GMNC: variants seen among roughly 807,000 people sequenced by gnomAD.
GMNC encodes geminin coiled-coil domain containing.
GMNC carries 16 observed loss-of-function variants against 33.6 expected under a neutral mutation model. The observed-to-expected ratio is 0.48, with a 90% CI of 0.32 to 0.72. The LOEUF (loss-of-function observed/expected upper bound fraction) is 0.72, where lower values mean the gene tolerates loss of function less well. GMNC is among the 30% of genes least tolerant of loss of function. The probability of loss-of-function intolerance (pLI) is 0.03; values close to 1 mark genes in which losing one functional copy is unlikely to be tolerated. For synonymous variants in GMNC, 156 were observed against 147.3 expected (o/e 1.06, Z -0.43); for missense variants, 393 against 388.9 (o/e 1.01, Z -0.09).
intron 4 of GMNC, among the ~76,000 whole-genome samples, chr3:190,856,450 A>AATAT (rs1348641487): frequency 3.3e-5 from 4 of 122,558 alleles, no homozygotes; most frequent in African/African-American, 1.3e-4. Flanking sequence ...AATATTCATA[A>AATAT]ATTTATATGA....
chr3:190,860,911 A>G (rs973192652), intron 1 of GMNC, 53 bp from the exon 2 acceptor site: 3 of 1,298,476 alleles, frequency 2.3e-6, no homozygotes, highest in African/African-American at 3.0e-5. Context: ...GGGGTGATGG[A>G]GATTTAGAAG....
the GMNC span, among the ~76,000 whole-genome samples, chr3:190,846,039 G>C: frequency 6.6e-6 from 1 of 152,030 alleles, no homozygotes; most frequent in African/African-American, 2.4e-5. Context: ...ACAAGCCTGG[G>C]CAACACGGAG....
In GMNC at chr3:190,861,728, C is replaced by T. The variant is rs1326422922; in HGVS notation, c.4-870G>A. ...GTGTTCTGATCCAGTGAACACTCTCCTGCCTTCCACTTCTTGAACCTCAAA... is the reference window on the plus strand; with the variant it reads ...GTGTTCTGATCCAGTGAACACTCTCTTGCCTTCCACTTCTTGAACCTCAAA... On this transcript the variant is annotated intron_variant, in intron 1 of 4. Coordinates refer to ENST00000442080, the MANE Select transcript of GMNC (RefSeq NM_001146686.3). The surrounding 1 kb of genome is among the most constrained non-coding windows in gnomAD (Gnocchi z 5.1). 6.6e-6 allele frequency among the ~76,000 whole-genome samples: 1 copy of T among 152,176 alleles called. No individual in the cohort carries two copies. Among genetic ancestry groups the T allele is most frequent in the African/African-American group, 2.4e-5 (1 of 41,432 alleles).
rs1737674154 is a variant in GMNC at position 190,853,650 on chromosome 3, A to C, written c.*1645T>G. 1 of 152,116 alleles carries C rather than the reference A, an allele frequency of 6.6e-6. No individual in the cohort carries two copies. Among genetic ancestry groups the C allele is most frequent in the Admixed American group, 6.6e-5 (1 of 15,248 alleles). The allele number at this position is 152,116 out of a possible 1,614,324, so 9.4% of individuals were successfully genotyped here. A position where few individuals can be genotyped will look rare whatever the true frequency, so the allele number is the denominator to read the frequency against. On this transcript the variant is annotated 3_prime_UTR_variant, in exon 5 of 5. Transcript: ENST00000442080. ...TGACCTACGAGATATTGATTGTGCA[A>C]GATGACTTATTGAGATGTGGAAAAG...
rs1199729684 is a variant in GMNC, at chr3:190,855,618, C to G, written c.682G>C (p.Asp228His). ...ATATTTTTATAATCAACTGCATCATCCGGAAACTGGGAAAATGTGCTGGCG... is the reference window on the plus strand; with the variant it reads ...ATATTTTTATAATCAACTGCATCATGCGGAAACTGGGAAAATGTGCTGGCG... ...RVASTFSQFP[D>H]DAVDYKNIPR... is the part of the protein sequence containing the mutation. Residue 228 changes from aspartate to histidine, a missense_variant, in exon 5 of 5, where the codon GAT (aspartate) becomes CAT (histidine). Physicochemically the swap from Asp to His is moderately conservative, Grantham distance 81. Transcript: ENST00000442080. 5 of 1,551,430 alleles carry G rather than the reference C, an allele frequency of 3.2e-6. No homozygotes were observed. In the East Asian group the frequency reaches 1.2e-4, roughly 38 times the overall value.
At chr3:190,844,301 C>A in the GMNC span, among the ~76,000 whole-genome samples, 2 of 151,918 alleles carry the variant, frequency 1.3e-5, no homozygotes, top group Middle Eastern at 3.2e-3. Context: ...ATCCCAAATT[C>A]TCTTTTTTTC....
At chr3:190,860,948 A>G (rs754524068) in intron 1 of GMNC, 90 bp from the exon 2 acceptor site, 1 of 860,640 alleles carries the variant, frequency 1.2e-6, no homozygotes, top group Non-Finnish European at 1.8e-6. Flanking sequence ...AAATACCGAA[A>G]TTACATGCAG....
In GMNC at chr3:190,853,272, T is replaced by C. The variant is rs145656937; in HGVS notation, c.*2023A>G. The C allele has an allele frequency of 2.6e-3, 395 of 152,254 alleles. 2 individuals carry two copies. Among genetic ancestry groups the C allele is most frequent in the African/African-American group, 9.2e-3 (382 of 41,576 alleles). The allele number at this position is 152,254 out of a possible 1,614,324, so 9.4% of individuals were successfully genotyped here. A position where few individuals can be genotyped will look rare whatever the true frequency, so the allele number is the denominator to read the frequency against. ...ATTAGACTTTCAAAATTAGTTATATTACTTTCTCAATTCCTAGTGTCATAA... is the reference window on the plus strand; with the variant it reads ...ATTAGACTTTCAAAATTAGTTATATCACTTTCTCAATTCCTAGTGTCATAA... On this transcript the variant is annotated 3_prime_UTR_variant, in exon 5 of 5. Coordinates refer to ENST00000442080, the MANE Select transcript of GMNC (RefSeq NM_001146686.3).
In GMNC at chr3:190,855,727, T is replaced by C. The variant is rs767243329; in HGVS notation, c.573A>G (p.Gln191=). The change falls in exon 5 of 5, where the codon CAA becomes CAG. Residue 191 remains glutamine, a synonymous_variant. Transcript: ENST00000442080. The part of the protein sequence containing the change: ...AGPPVDPWVL[Q]TLGLKDLDTI... ...TGTCAAGGTCTTTTAACCCAAGTGT[T>C]TGAAGGACCCAGGGATCCACAGGGG... 9.8e-5 allele frequency: 152 copies of C among 1,551,452 alleles called. 1 individual carries two copies. Among genetic ancestry groups the C allele is most frequent in the Non-Finnish European group, 1.6e-5 (18 of 1,146,894 alleles).
At chr3:190,851,986 GAAC>G (rs917605110), downstream of GMNC, among the ~76,000 whole-genome samples, 175 of 150,482 alleles carry the variant, frequency 1.2e-3, 1 homozygote, top group African/African-American at 3.8e-3. Context: ...TATGTTTATA[GAAC>G]AAAAAACAGA....
At chr3:190,860,899 A>G (rs907571039) in intron 1 of GMNC, 41 bp from the exon 2 acceptor site, 4 of 1,400,256 alleles carry the variant, frequency 2.9e-6, no homozygotes, top group South Asian at 1.4e-5. Flanking sequence ...GTCCCAAAAG[A>G]TGGGGTGATG....
chr3:190,854,709 G>A lies in GMNC; in HGVS notation c.*586C>T, dbSNP rs567891894. Reference sequence around the variant, plus strand: ...AGTTGTTTTAAGAGGCTTTGTCAATGCCACTATGGGGCACTGAACTTTTTG... The same window carrying A: ...AGTTGTTTTAAGAGGCTTTGTCAATACCACTATGGGGCACTGAACTTTTTG... On this transcript the variant is annotated 3_prime_UTR_variant, in exon 5 of 5. Transcript: ENST00000442080. 4.1e-4 allele frequency: 63 copies of A among 153,032 alleles called. No homozygotes were observed. Among genetic ancestry groups the A allele is most frequent in the African/African-American group, 1.5e-3 (62 of 41,556 alleles). 9.5% of individuals were successfully genotyped at this position (153,032 alleles called of 1,614,324 possible). A position where few individuals can be genotyped will look rare whatever the true frequency, so the allele number is the denominator to read the frequency against.
chr3:190,859,808 A>G (rs1321618863), intron 2 of GMNC: 2 of 454,894 alleles, frequency 4.4e-6, no homozygotes, highest in Non-Finnish European at 8.8e-6. Context: ...TTCTCTGGTT[A>G]TATTGTTGAT....
downstream of GMNC, among the ~76,000 whole-genome samples, chr3:190,851,366 T>A (rs9823091): frequency 0.38 from 58,034 of 152,066 alleles, 12,052 homozygotes; most frequent in African/African-American, 0.54. Context: ...AGGTGAGTGT[T>A]ATCTTAACAA....
downstream of GMNC, among the ~76,000 whole-genome samples, chr3:190,849,740 A>G (rs1336258747): frequency 1.3e-5 from 2 of 152,240 alleles, no homozygotes; most frequent in African/African-American, 4.8e-5. Context: ...AAAGGTATCA[A>G]TTAACCACTG....
chr3:190,855,224 T>A lies in GMNC; in HGVS notation c.*71A>T. 6.9e-7 allele frequency: 1 copy of A among 1,446,300 alleles called. No homozygotes were observed. The allele number at this position is 1,446,300 out of a possible 1,614,324, so 89.6% of individuals were successfully genotyped here. ...GCAACAGCTTCTGTGTTCCACATAG[T>A]CAAATTCAAGTGCAAGAGAGGTCTT... On this transcript the variant is annotated 3_prime_UTR_variant, in exon 5 of 5. Transcript: ENST00000442080.
chr3:190,850,107 T>C (rs1455104855), downstream of GMNC, among the ~76,000 whole-genome samples: 1 of 152,208 alleles, frequency 6.6e-6, no homozygotes, highest in African/African-American at 2.4e-5. Context: ...ATTTCTCTCT[T>C]TTGAAATGAT....
Position 190,861,494 on chromosome 3 carries a change from C to CTA in GMNC, c.4-638_4-637dup, listed in dbSNP as rs1560038820. Reference sequence around the variant, plus strand: ...TCTATCTATCTATCTATCTATCTATCTATCTATCTATCTATCTCTGTCCCA... The same window carrying CTA: ...TCTATCTATCTATCTATCTATCTATCTATATCTATCTATCTATCTCTGTCCCA... On this transcript the variant is annotated intron_variant, in intron 1 of 4. Coordinates refer to ENST00000442080, the MANE Select transcript of GMNC (RefSeq NM_001146686.3). The surrounding 1 kb of genome is among the most constrained non-coding windows in gnomAD (Gnocchi z 5.1). Among the ~76,000 whole-genome samples, 2 of 151,908 alleles carry CTA rather than the reference C, an allele frequency of 1.3e-5. No homozygotes were observed. The highest frequency in any genetic ancestry group is 2.9e-5 in the Non-Finnish European group (2 of 68,002).
downstream of GMNC, among the ~76,000 whole-genome samples, chr3:190,848,149 C>T (rs924497358): frequency 6.6e-6 from 1 of 152,184 alleles, no homozygotes; most frequent in Non-Finnish European, 1.5e-5. Context: ...TTACAAATAA[C>T]ATATCTAAGC....
Sources: allele counts gnomAD v4.1 joint callset (sites outside exome capture counted in the v4.1 genomes callset), GRCh38; gene constraint gnomAD v4.1.1; non-coding constraint Gnocchi (gnomAD v3.1); transcripts MANE v1.5; gene names NCBI Gene and HGNC (gene_info 2026-07-23, HGNC 2026-07-21).